Variants in ADAMTS12 observed in about 807,000 individuals in gnomAD.
ADAMTS12 encodes the protein A disintegrin and metalloproteinase with thrombospondin motifs 12.
ADAMTS12 carries 118 observed loss-of-function variants against 167.8 expected under a neutral mutation model. That is an observed-to-expected ratio of 0.70 (90% confidence interval 0.61 to 0.82). The LOEUF is 0.82. Ranked by LOEUF, ADAMTS12 falls within the 40% of genes least tolerant of loss-of-function variation. The pLI is 0.00. For missense variants in ADAMTS12, 1,916 were observed against 1,998.8 expected (o/e 0.96, Z 0.79); for synonymous variants, 704 against 716.9 (o/e 0.98, Z 0.29).
intron 3 of ADAMTS12, among the ~76,000 whole-genome samples, chr5:33,688,809 C>A (rs1742447258): frequency 1.3e-5 from 2 of 152,216 alleles, no homozygotes; most frequent in Non-Finnish European, 1.5e-5. Context: ...TCCAGCCCAA[C>A]CCTTCCCTCA....
In ADAMTS12 at chr5:33,574,315, C is replaced by T. The variant is rs1458165885; in HGVS notation, c.3972+1739G>A. On this transcript the variant is annotated intron_variant, in intron 19 of 23. Transcript: ENST00000504830. Reference sequence around the variant, plus strand: ...ATGCACACGTATGTTTAGTGCGGCACTATTCACAATAGCAAAGACTTGGAA... The same window carrying T: ...ATGCACACGTATGTTTAGTGCGGCATTATTCACAATAGCAAAGACTTGGAA... Among the ~76,000 whole-genome samples, 10 of 151,936 alleles carry T rather than the reference C, an allele frequency of 6.6e-5. 1 individual carries two copies. The South Asian group carries it at 2.1e-3, about 32-fold the overall frequency.
intron 2 of ADAMTS12, among the ~76,000 whole-genome samples, chr5:33,831,946 C>T (rs2111556987): frequency 6.6e-6 from 1 of 152,308 alleles, no homozygotes; most frequent in Admixed American, 6.5e-5. Context: ...CCAGGAATGA[C>T]AAAACAAACA....
At chr5:33,595,123 C>T (rs1477022940) in intron 17 of ADAMTS12, among the ~76,000 whole-genome samples, 1 of 152,002 alleles carries the variant, frequency 6.6e-6, no homozygotes, top group Non-Finnish European at 1.5e-5. Context: ...CTCTTTTCTT[C>T]TTCTCCTTCT....
chr5:33,584,274 C>T (rs1281963975), intron 18 of ADAMTS12, among the ~76,000 whole-genome samples: 2 of 151,914 alleles, frequency 1.3e-5, no homozygotes, highest in Non-Finnish European at 2.9e-5. Context: ...ATACAAAATG[C>T]TTGGTATGTA....
intron 2 of ADAMTS12, among the ~76,000 whole-genome samples, chr5:33,795,616 A>G (rs551237345): frequency 1.3e-5 from 2 of 152,186 alleles, no homozygotes; most frequent in Admixed American, 6.5e-5. Context: ...AGCGGTGGTG[A>G]ATGGACAGAC....
At chr5:33,732,389 G>A (rs563321413) in intron 3 of ADAMTS12, among the ~76,000 whole-genome samples, 4 of 152,196 alleles carry the variant, frequency 2.6e-5, no homozygotes, top group African/African-American at 9.6e-5. Flanking sequence ...AACAGAAAAA[G>A]CATTTTCCCA....
At chr5:33,556,351 G>T (rs1049873709) in intron 20 of ADAMTS12, among the ~76,000 whole-genome samples, 3 of 152,178 alleles carry the variant, frequency 2.0e-5, no homozygotes, top group African/African-American at 7.2e-5. Flanking sequence ...AGAAACCTGA[G>T]GATGACAACC....
At chr5:33,626,443 T>A (rs1489639558) in intron 13 of ADAMTS12, among the ~76,000 whole-genome samples, 1 of 149,214 alleles carries the variant, frequency 6.7e-6, no homozygotes, top group African/African-American at 2.5e-5. Flanking sequence ...GTGATGGTAG[T>A]GATTTGATGG....
intron 3 of ADAMTS12, among the ~76,000 whole-genome samples, chr5:33,718,662 A>T (rs56231341): frequency 0.044 from 6,708 of 152,222 alleles, 397 homozygotes; most frequent in East Asian, 0.15. Flanking sequence ...ACTTAATGCT[A>T]GAACTAGAAG....
intron 19 of ADAMTS12, among the ~76,000 whole-genome samples, chr5:33,565,051 A>G (rs1745944624): frequency 6.6e-6 from 1 of 152,222 alleles, no homozygotes. Flanking sequence ...GCAATCCCAA[A>G]TAAATAGCTT....
chr5:33,874,021 GACTGTTTAGAT>G (rs1194767714), intron 2 of ADAMTS12, among the ~76,000 whole-genome samples: 1 of 151,978 alleles, frequency 6.6e-6, no homozygotes, highest in African/African-American at 2.4e-5. Context: ...TTTTTTCAAT[GACTGTTTAGAT>G]ACAACATCAA....
At chr5:33,722,909 G>A (rs1017480226) in intron 3 of ADAMTS12, among the ~76,000 whole-genome samples, 1 of 152,202 alleles carries the variant, frequency 6.6e-6, no homozygotes, top group Admixed American at 6.5e-5. Flanking sequence ...TGAGCAGAGA[G>A]GAAGTGCCTG....
chr5:33,844,754 T>C (rs2591734), intron 2 of ADAMTS12, among the ~76,000 whole-genome samples: 74,394 of 151,960 alleles, frequency 0.49, 20,605 homozygotes, highest in African/African-American at 0.74. Flanking sequence ...TAGACTCCCT[T>C]CCCTTTGAAA....
intron 20 of ADAMTS12, among the ~76,000 whole-genome samples, chr5:33,557,922 G>A (rs1273517015): frequency 1.3e-5 from 2 of 152,036 alleles, no homozygotes; most frequent in African/African-American, 4.8e-5. Flanking sequence ...AACTGTGCAT[G>A]CAAGGGATAT....
At chr5:33,820,532 G>C (rs1236159453) in intron 2 of ADAMTS12, among the ~76,000 whole-genome samples, 4 of 152,158 alleles carry the variant, frequency 2.6e-5, no homozygotes, top group Non-Finnish European at 5.9e-5. Flanking sequence ...ATAATAAACT[G>C]TTCTGTAGCC....
At chr5:33,777,723 G>T (rs112038259) in intron 2 of ADAMTS12, among the ~76,000 whole-genome samples, 1 of 152,008 alleles carries the variant, frequency 6.6e-6, no homozygotes, top group Non-Finnish European at 1.5e-5. Context: ...AATTGTAAAG[G>T]AAGCAGTAAA....
At chr5:33,610,621 A>T (rs575088742) in intron 16 of ADAMTS12, among the ~76,000 whole-genome samples, 15 of 152,240 alleles carry the variant, frequency 9.9e-5, no homozygotes, top group African/African-American at 3.6e-4. Context: ...TTAGGTAGAC[A>T]TATTAAAGAA....
intron 3 of ADAMTS12, among the ~76,000 whole-genome samples, chr5:33,734,359 G>T (rs764842955): frequency 6.6e-6 from 1 of 151,968 alleles, no homozygotes; most frequent in Non-Finnish European, 1.5e-5. Context: ...AGCACCAGAA[G>T]AAAAAAACGT....
intron 18 of ADAMTS12, among the ~76,000 whole-genome samples, chr5:33,581,594 T>C (rs1379749966): frequency 2.6e-5 from 4 of 152,204 alleles, no homozygotes; most frequent in African/African-American, 9.6e-5. Flanking sequence ...CATTAAAACA[T>C]TTAATGCACA....
Sources: allele counts gnomAD v4.1 joint callset (sites outside exome capture counted in the v4.1 genomes callset), GRCh38; gene constraint gnomAD v4.1.1; transcripts MANE v1.5; gene names NCBI Gene and HGNC (gene_info 2026-07-23, HGNC 2026-07-21).